Variants in PCDH9 observed in about 807,000 individuals in gnomAD.
PCDH9 encodes the protein protocadherin 9, also known as protocadherin-9.
A neutral mutation model predicts 70.6 loss-of-function variants in PCDH9; 24 were observed. That is an observed-to-expected ratio of 0.34 (90% CI 0.25 to 0.48). PCDH9 has a LOEUF of 0.48. Ranked by LOEUF, PCDH9 falls within the 20% of genes least tolerant of loss-of-function variation. The probability of loss-of-function intolerance (pLI) is 0.99; values close to 1 mark genes in which losing one functional copy is unlikely to be tolerated. For missense variants in PCDH9, 1,281 were observed against 1,503.6 expected (o/e 0.85, Z 2.45); for synonymous variants, 562 against 558.5 (o/e 1.01, Z -0.09).
rs551067634 is a variant in PCDH9, at chr13:66,376,767, G to A, written c.3341-71739C>T. Among the ~76,000 whole-genome samples, 4 of 152,124 alleles carry A rather than the reference G, an allele frequency of 2.6e-5. No homozygotes were observed. In the East Asian group the frequency reaches 7.7e-4, roughly 29 times the overall value. ...AAATGAATGAATTATACTACTATTA[G>A]GCAAGAAAAGTAGAACTTCATTAAG... On this transcript the variant is annotated intron_variant, in intron 4 of 4. Transcript: ENST00000377865.
At chr13:66,349,542 C>A (rs1956262102) in intron 4 of PCDH9, among the ~76,000 whole-genome samples, 2 of 152,198 alleles carry the variant, frequency 1.3e-5, no homozygotes, top group African/African-American at 4.8e-5. Flanking sequence ...GCAGAGCCTG[C>A]AGCCCTGGCA....
intron 2 of PCDH9, among the ~76,000 whole-genome samples, chr13:67,192,288 G>A (rs763435446): frequency 2.0e-5 from 3 of 152,056 alleles, no homozygotes; most frequent in Non-Finnish European, 4.4e-5. Context: ...GAATAATTAA[G>A]TGAAAAGTGT....
At chr13:66,779,849 C>CTCTCTCTA (rs1395244975) in intron 3 of PCDH9, among the ~76,000 whole-genome samples, 1,085 of 78,876 alleles carry the variant, frequency 0.014, 10 homozygotes, top group African/African-American at 0.02. Context: ...CTCTCTCTCT[C>CTCTCTCTA]TATATATATA....
At chr13:66,447,040 A>G (rs748837908) in intron 4 of PCDH9, among the ~76,000 whole-genome samples, 6 of 152,070 alleles carry the variant, frequency 3.9e-5, no homozygotes, top group Non-Finnish European at 8.8e-5. Flanking sequence ...TCATGCAACT[A>G]ATTAATAAAC....
At chr13:66,851,584 C>T (rs989295530) in intron 3 of PCDH9, among the ~76,000 whole-genome samples, 2 of 146,980 alleles carry the variant, frequency 1.4e-5, no homozygotes, top group Non-Finnish European at 2.9e-5. Flanking sequence ...CTCACACACA[C>T]ACACACACAC....
intron 2 of PCDH9, among the ~76,000 whole-genome samples, chr13:67,045,341 C>T (rs1357573034): frequency 1.3e-5 from 2 of 152,094 alleles, no homozygotes; most frequent in South Asian, 2.1e-4. Context: ...GATAGTTTAG[C>T]GTATTGTACA....
At chr13:66,445,447 T>TATATATATACACATATATATA (rs1172780352) in intron 4 of PCDH9, among the ~76,000 whole-genome samples, 76 of 144,926 alleles carry the variant, frequency 5.2e-4, no homozygotes, top group African/African-American at 1.8e-3. Flanking sequence ...TAGATGTGTG[T>TATATATATACACATATATATA]ATATATATAC....
At chr13:67,032,154 G>T (rs200333248) in intron 2 of PCDH9, among the ~76,000 whole-genome samples, 3 of 151,836 alleles carry the variant, frequency 2.0e-5, no homozygotes, top group East Asian at 1.9e-4. Flanking sequence ...CACTTTTTTG[G>T]GGGGGTGAGG....
At chr13:66,938,550 A>G (rs2082954912) in intron 2 of PCDH9, among the ~76,000 whole-genome samples, 1 of 152,212 alleles carries the variant, frequency 6.6e-6, no homozygotes, top group Non-Finnish European at 1.5e-5. Context: ...AGCAATCTTT[A>G]TATGTGATGG....
intron 3 of PCDH9, among the ~76,000 whole-genome samples, chr13:66,868,715 T>C (rs1377622322): frequency 6.6e-6 from 1 of 152,136 alleles, no homozygotes. Context: ...AAGAGACATA[T>C]GACATGAAAT....
intron 4 of PCDH9, among the ~76,000 whole-genome samples, chr13:66,510,196 A>C (rs960377190): frequency 2.6e-5 from 4 of 152,052 alleles, no homozygotes; most frequent in Non-Finnish European, 5.9e-5. Flanking sequence ...CTATAAAAGC[A>C]TTTTTGCTTA....
At chr13:67,160,415 C>T (rs757048912) in intron 2 of PCDH9, among the ~76,000 whole-genome samples, 13 of 151,898 alleles carry the variant, frequency 8.6e-5, no homozygotes, top group Non-Finnish European at 1.5e-4. Context: ...GGCGTGGTGG[C>T]GGGCGCCTGT....
chr13:67,137,735 C>T (rs908373486), intron 2 of PCDH9, among the ~76,000 whole-genome samples: 3 of 152,048 alleles, frequency 2.0e-5, no homozygotes, highest in Non-Finnish European at 4.4e-5. Flanking sequence ...GAAATTCTTC[C>T]TTCTCTGGTG....
At chr13:66,924,304 T>C (rs1233566837) in intron 2 of PCDH9, among the ~76,000 whole-genome samples, 1 of 151,894 alleles carries the variant, frequency 6.6e-6, no homozygotes, top group East Asian at 1.9e-4. Context: ...CCCTTTCAGG[T>C]AATACTGTTT....
intron 3 of PCDH9, among the ~76,000 whole-genome samples, chr13:66,685,843 T>C (rs2078393602): frequency 6.6e-6 from 1 of 152,204 alleles, no homozygotes; most frequent in African/African-American, 2.4e-5. Flanking sequence ...ATAGGGCCTG[T>C]AGCCCCTTTG....
chr13:66,883,365 A>ATG (rs140876286), intron 3 of PCDH9, among the ~76,000 whole-genome samples: 7,962 of 151,498 alleles, frequency 0.053, 319 homozygotes, highest in South Asian at 0.084. Context: ...ATCAGCACTA[A>ATG]TGTGTGTGTG....
intron 4 of PCDH9, among the ~76,000 whole-genome samples, chr13:66,488,386 T>C (rs1730099999): frequency 1.3e-5 from 2 of 152,202 alleles, no homozygotes; most frequent in African/African-American, 4.8e-5. Context: ...ATGGTTCCAG[T>C]TGAGGGCCAA....
intron 2 of PCDH9, among the ~76,000 whole-genome samples, chr13:67,195,948 T>G (rs2089052831): frequency 6.6e-6 from 1 of 152,166 alleles, no homozygotes; most frequent in Non-Finnish European, 1.5e-5. Flanking sequence ...TTATGGAATT[T>G]TAAACTTTAA....
intron 4 of PCDH9, among the ~76,000 whole-genome samples, chr13:66,534,251 T>TTTTGAGTTG (rs1960592946): frequency 6.6e-6 from 1 of 152,170 alleles, no homozygotes; most frequent in Non-Finnish European, 1.5e-5. Flanking sequence ...AGATGGATTG[T>TTTTGAGTTG]TTTGAGTTGT....
Sources: gnomAD v4.1 joint callset for allele counts (sites outside exome capture counted in the v4.1 genomes callset) on GRCh38, gnomAD v4.1.1 for gene constraint, MANE v1.5 for transcripts, NCBI Gene and HGNC (gene_info 2026-07-23, HGNC 2026-07-21) for gene names.